Variants in CFLAR observed in about 807,000 individuals in gnomAD.
CFLAR encodes CASP8 and FADD like apoptosis regulator.
CFLAR carries 14 observed loss-of-function variants against 51.1 expected under a neutral mutation model. The ratio of observed to expected loss-of-function variants is 0.27; its 90% confidence interval spans 0.18 to 0.43. The LOEUF is 0.43. Among genes scored for constraint, CFLAR ranks in the 20% least tolerant of loss-of-function variants. CFLAR has a pLI of 1.00. For missense variants in CFLAR, 390 were observed against 566.5 expected, an observed-to-expected ratio of 0.69 and a Z score of 3.16; for synonymous variants, 210 against 211.6, an observed-to-expected ratio of 0.99 and a Z score of 0.06.
chr2:201,174,675 C>T lies in CFLAR; in HGVS notation c.*10702C>T, dbSNP rs1422365829. The T allele has an allele frequency of 6.6e-6, 1 of 152,122 alleles. No individual in the cohort carries two copies. The highest frequency in any genetic ancestry group is 1.5e-5 in the Non-Finnish European group (1 of 68,038). The allele number at this position is 152,122 out of a possible 1,614,324, so 9.4% of individuals were successfully genotyped here. A position where few individuals can be genotyped will look rare whatever the true frequency, so the allele number is the denominator to read the frequency against. On this transcript the variant is annotated 3_prime_UTR_variant, in exon 10 of 10. Transcript: ENST00000309955. ...TGAGGGGTGAGCCACTGCAACTGGC[C>T]TGTTCTTTTTCAAAATTGTTAGGGC... is the stretch of plus-strand genomic sequence containing the variant.
chr2:201,160,285 G>T (rs866360010), intron 8 of CFLAR, 147 bp from the exon 9 acceptor site: 2 of 831,870 alleles, frequency 2.4e-6, no homozygotes, highest in Middle Eastern at 5.1e-4. Flanking sequence ...TGTTCCAACT[G>T]CCCAGGACTC....
chr2:201,126,065 C>CGCCA (rs1375686964), intron 1 of CFLAR, among the ~76,000 whole-genome samples: 1 of 152,066 alleles, frequency 6.6e-6, no homozygotes, highest in African/African-American at 2.4e-5. Context: ...TTAGAGAAAA[C>CGCCA]GCCACACTTT....
rs189845113 is a variant in CFLAR at position 201,138,449 on chromosome 2, T to G, written c.524-1908T>G. The G allele has an allele frequency of 9.7e-4, 833 of 860,080 alleles. 10 individuals carry two copies. In the East Asian group the frequency reaches 0.017, roughly 18 times the overall value. 53.3% of individuals were successfully genotyped at this position (860,080 alleles called of 1,614,324 possible). A position where few individuals can be genotyped will look rare whatever the true frequency, so the allele number is the denominator to read the frequency against. ...GACGATAGGCAGCTTCCTTTCTTAC[T>G]AAGCTGCAGGATCTCATTTGCCTCT... On this transcript the variant is annotated intron_variant, in intron 4 of 9. Transcript: ENST00000309955. This position sits in a 1 kb window ranked among gnomAD's most constrained non-coding sequence, Gnocchi z 4.0.
At chr2:201,139,609 A>C (rs112420851) in intron 4 of CFLAR, 1 of 153,978 alleles carries the variant, frequency 6.5e-6, no homozygotes, top group African/African-American at 2.4e-5. Flanking sequence ...ACATGCGGGC[A>C]GCACTACTGC....
intron 8 of CFLAR, chr2:201,153,398 C>T (rs1378422599): frequency 6.6e-6 from 1 of 152,242 alleles, no homozygotes; most frequent in African/African-American, 2.4e-5. Context: ...CCTAGGCCTC[C>T]AGCTCTTCAT....
At chr2:201,148,311 A>C (rs1374024427) in intron 6 of CFLAR, 1 of 151,426 alleles carries the variant, frequency 6.6e-6, no homozygotes, top group Non-Finnish European at 1.5e-5. Flanking sequence ...TCTTTTTTTA[A>C]TTTTTTTCTT....
At chr2:201,155,629 C>G (rs973285551) in intron 8 of CFLAR, among the ~76,000 whole-genome samples, 2 of 151,740 alleles carry the variant, frequency 1.3e-5, no homozygotes, top group African/African-American at 4.8e-5. Flanking sequence ...TCTGTACTTT[C>G]CTTTTCTTTT....
intron 8 of CFLAR, among the ~76,000 whole-genome samples, chr2:201,155,733 C>T (rs1160294793): frequency 6.6e-6 from 1 of 152,122 alleles, no homozygotes; most frequent in African/African-American, 2.4e-5. Context: ...AAGCAATCCT[C>T]TCACCTCACC....
At position 201,133,029 on chromosome 2, in the gene CFLAR, A is replaced by C; in HGVS notation, c.282A>C (p.Arg94Ser). 1 of 1,607,834 alleles carries C rather than the reference A, an allele frequency of 6.2e-7. No individual in the cohort carries two copies. Among genetic ancestry groups the C allele is most frequent in the Non-Finnish European group, 8.5e-7 (1 of 1,174,358 alleles). The part of the protein sequence containing the change: ...LRNPHLVSDY[R>S]VLMAEIGEDL... The stretch of plus-strand genomic sequence containing the variant: ...CTAAATGAACTTGTCTGGTTTGCAG[A>C]GTGCTGATGGCAGAGATTGGTGAGG... The change falls in exon 3 of 10, where the codon AGA (arginine) becomes AGC (serine). Residue 94 changes from arginine to serine, a missense_variant and splice_region_variant. Arg to Ser is a moderately radical substitution (Grantham distance 110, BLOSUM62 -1). Around this residue, in one of 2 missense-constraint regions of CFLAR, gnomAD observed 103 missense variants for 202.9 expected, o/e 0.51. Coordinates refer to ENST00000309955, the MANE Select transcript of CFLAR (RefSeq NM_003879.7).
chr2:201,132,430 AATATATATATAT>A (rs35648857), intron 2 of CFLAR, among the ~76,000 whole-genome samples: 1 of 137,960 alleles, frequency 7.2e-6, no homozygotes, highest in Non-Finnish European at 1.6e-5. Context: ...GGGGGGGAAA[AATATATATATAT>A]ATATATATAT....
chr2:201,134,828 G>A (rs578049574), intron 3 of CFLAR, among the ~76,000 whole-genome samples: 37 of 151,962 alleles, frequency 2.4e-4, no homozygotes, highest in Non-Finnish European at 5.1e-4. Context: ...TGCCTGTAAC[G>A]ATTCAGATAA....
Position 201,171,569 on chromosome 2 carries a change from G to C in CFLAR, c.*7596G>C, listed in dbSNP as rs1071678. The C allele has an allele frequency of 0.4, 60,483 of 151,990 alleles. 12,416 individuals carry two copies. The highest frequency in any genetic ancestry group is 0.45 in the Non-Finnish European group (30,859 of 67,962). The allele number at this position is 151,990 out of a possible 1,614,324, so 9.4% of individuals were successfully genotyped here. A position where few individuals can be genotyped will look rare whatever the true frequency, so the allele number is the denominator to read the frequency against. On this transcript the variant is annotated 3_prime_UTR_variant, in exon 10 of 10. Transcript: ENST00000309955. ...TGTGGGGCTTAATACCTAGGTGATA[G>C]GTTGATAGGTGCAGCAAACCACCAT...
chr2:201,162,114 TG>T (rs2125938938), intron 9 of CFLAR, among the ~76,000 whole-genome samples: 1 of 152,266 alleles, frequency 6.6e-6, no homozygotes, highest in African/African-American at 2.4e-5. Flanking sequence ...TTTGTTTGTT[TG>T]TTTTTTGAGA....
chr2:201,128,255 G>C (rs780379201), intron 1 of CFLAR, among the ~76,000 whole-genome samples: 1 of 152,142 alleles, frequency 6.6e-6, no homozygotes, highest in Non-Finnish European at 1.5e-5. Context: ...CTGATGATGA[G>C]ATTAAAGCAC....
Position 201,141,654 on chromosome 2 carries a change from G to T in CFLAR, c.606+1215G>T, listed in dbSNP as rs1938909262. The T allele has an allele frequency of 1.7e-5, 21 of 1,254,090 alleles. No individual in the cohort carries two copies. The South Asian group carries it at 3.9e-4, about 23-fold the overall frequency. 77.7% of individuals were successfully genotyped at this position (1,254,090 alleles called of 1,614,324 possible). ...TAATGATTTCAGCAAAAGTTATTTT[G>T]TTATTGAGTGATGAAACAAAAGATT... On this transcript the variant is annotated intron_variant, in intron 5 of 9. Coordinates refer to ENST00000309955, the MANE Select transcript of CFLAR (RefSeq NM_003879.7).
intron 8 of CFLAR, among the ~76,000 whole-genome samples, chr2:201,153,931 A>T (rs1941723618): frequency 8.6e-6 from 1 of 115,640 alleles, no homozygotes. Flanking sequence ...TTTTTGACAG[A>T]GTCTTGCTCT....
chr2:201,122,869 G>C (rs1288096600), intron 1 of CFLAR: 2 of 152,198 alleles, frequency 1.3e-5, no homozygotes, highest in African/African-American at 4.8e-5. Flanking sequence ...GTTAGATTAT[G>C]GGTTGGGCTG....
rs1240056792 is a variant in CFLAR, at chr2:201,169,456, TAACTC to T, written c.*5486_*5490del. ...CCTTCCTTACACCTTATACAAAAAT[TAACTC>T]AAGATTAAAGACTTAATGTAAAACC... On this transcript the variant is annotated 3_prime_UTR_variant, in exon 10 of 10. Transcript: ENST00000309955. 5.3e-5 allele frequency: 8 copies of T among 152,040 alleles called. No homozygotes were observed. Among genetic ancestry groups the T allele is most frequent in the Admixed American group, 3.9e-4 (6 of 15,250 alleles). The allele number at this position is 152,040 out of a possible 1,614,324, so 9.4% of individuals were successfully genotyped here.
chr2:201,135,686 G>A (rs762961352), intron 3 of CFLAR, among the ~76,000 whole-genome samples: 7 of 143,724 alleles, frequency 4.9e-5, no homozygotes, highest in Admixed American at 3.4e-4. Context: ...CTGGAGTGCC[G>A]TGGTGCAATC....
Sources: allele counts gnomAD v4.1 joint callset (sites outside exome capture counted in the v4.1 genomes callset), GRCh38; gene constraint gnomAD v4.1.1; regional missense constraint gnomAD v4.1.1; non-coding constraint Gnocchi (gnomAD v3.1); transcripts MANE v1.5; gene names NCBI Gene and HGNC (gene_info 2026-07-23, HGNC 2026-07-21).